Variants in IFT122 observed in about 807,000 individuals in gnomAD.
The protein encoded by IFT122 is intraflagellar transport 122, also known as intraflagellar transport protein 122 homolog.
IFT122 carries 118 observed loss-of-function variants against 161.6 expected under a neutral mutation model. The ratio of observed to expected loss-of-function variants is 0.73; its 90% CI spans 0.63 to 0.85. IFT122 has a LOEUF of 0.85. Ranked by LOEUF, IFT122 falls within the 40% of genes least tolerant of loss-of-function variation. The probability of loss-of-function intolerance (pLI) is 0.00; values close to 1 mark genes in which losing one functional copy is unlikely to be tolerated. For missense variants in IFT122, 1,381 were observed against 1,579.6 expected (o/e 0.87, Z 2.13); for synonymous variants, 550 against 602.4 (o/e 0.91, Z 1.27).
intron 9 of IFT122, among the ~76,000 whole-genome samples, chr3:129,474,764 A>G (rs2077719889): frequency 6.6e-6 from 1 of 152,186 alleles, no homozygotes. Context: ...AAGCTGAGGA[A>G]GCACCATCAA....
Position 129,466,874 on chromosome 3 carries a change from T to G in IFT122, c.564-16T>G, listed in dbSNP as rs2076856742. ...TCTAGGCAATGTAATTTTGAACAAC[T>G]ACTTACTGTCTACAGCCGATGGGAG... is the stretch of plus-strand genomic sequence containing the variant. On this transcript the variant is annotated splice_polypyrimidine_tract_variant and intron_variant, in intron 7 of 29. Coordinates refer to ENST00000348417, the MANE Select transcript of IFT122 (RefSeq NM_052989.3). 6.2e-7 allele frequency: 1 copy of G among 1,612,186 alleles called. No individual in the cohort carries two copies. Among genetic ancestry groups the G allele is most frequent in the African/African-American group, 1.3e-5 (1 of 74,900 alleles).
At chr3:129,517,432 C>T (rs774582089) in intron 26 of IFT122, 37 bp from the exon 27 acceptor site, 12 of 1,610,808 alleles carry the variant, frequency 7.4e-6, no homozygotes, top group South Asian at 1.1e-5. Flanking sequence ...CTTTGCAAGG[C>T]CTCCAGCCCC....
chr3:129,507,075 C>G (rs1284961529), intron 22 of IFT122, among the ~76,000 whole-genome samples: 1 of 152,212 alleles, frequency 6.6e-6, no homozygotes, highest in African/African-American at 2.4e-5. Flanking sequence ...GGCATGGAAG[C>G]TGCAGGTGAC....
chr3:129,505,337 G>A (rs2082081574), intron 21 of IFT122, among the ~76,000 whole-genome samples: 1 of 152,192 alleles, frequency 6.6e-6, no homozygotes, highest in Non-Finnish European at 1.5e-5. Context: ...GCTTCTATAT[G>A]GTAACCGTTG....
intron 27 of IFT122, among the ~76,000 whole-genome samples, chr3:129,517,825 C>T (rs773170442): frequency 1.2e-4 from 19 of 152,216 alleles, no homozygotes; most frequent in Non-Finnish European, 2.4e-4. Context: ...TTGGTCTTCC[C>T]GTGTGGGTCT....
At chr3:129,487,987 A>G (rs2079515791) in intron 15 of IFT122, 1 of 522,576 alleles carries the variant, frequency 1.9e-6, no homozygotes, top group Admixed American at 3.1e-5. Flanking sequence ...GTGACATCCT[A>G]TGGCGAGGCA....
chr3:129,516,307 CAGAG>C (rs147411001), intron 26 of IFT122, among the ~76,000 whole-genome samples: 2 of 119,570 alleles, frequency 1.7e-5, no homozygotes, highest in South Asian at 3.1e-4. Flanking sequence ...CACACACACA[CAGAG>C]ACTGCCCCTG....
intron 18 of IFT122, among the ~76,000 whole-genome samples, chr3:129,498,121 A>G (rs908729650): frequency 6.6e-6 from 1 of 152,220 alleles, no homozygotes; most frequent in African/African-American, 2.4e-5. Flanking sequence ...GCTTCAGGAA[A>G]GCAAAAAGCC....
intron 17 of IFT122, 50 bp downstream of exon 17, chr3:129,492,244 T>C: frequency 7.1e-7 from 1 of 1,404,468 alleles, no homozygotes. Context: ...TTGGGGTTCC[T>C]GTTTTAGGGG....
intron 9 of IFT122, among the ~76,000 whole-genome samples, chr3:129,472,173 G>T (rs1372844378): frequency 6.6e-6 from 1 of 152,084 alleles, no homozygotes; most frequent in Non-Finnish European, 1.5e-5. Context: ...TACTTTTTGA[G>T]AAAAGGCCTC....
chr3:129,490,254 G>GGCTGGATGTTA (rs1354202714), intron 16 of IFT122, among the ~76,000 whole-genome samples: 5 of 152,210 alleles, frequency 3.3e-5, no homozygotes, highest in African/African-American at 4.8e-5. Flanking sequence ...ATTGAAGATA[G>GGCTGGATGTTA]GCTGGATGTT....
chr3:129,469,370 G>T lies in IFT122; in HGVS notation c.769G>T (p.Ala257Ser). 1 of 1,614,000 alleles carries T rather than the reference G, an allele frequency of 6.2e-7. No individual in the cohort carries two copies. Among genetic ancestry groups the T allele is most frequent in the Non-Finnish European group, 8.5e-7 (1 of 1,179,922 alleles). ...LEERNDILAV[A>S]DWGQKVSFYQ... ...GGAACGTAATGACATCCTGGCTGTG[G>T]CTGACTGGGGACAGAAAGTTTCCTT... The change falls in exon 9 of 30, where the codon GCT becomes TCT. Residue 257 changes from alanine (A) to serine (S), a missense_variant. Physicochemically the swap from Ala to Ser is moderately conservative, Grantham distance 99 (BLOSUM62 1). Around this residue, in one of 7 missense-constraint regions of IFT122, gnomAD observed 544 missense variants for 648.0 expected, o/e 0.84. Transcript: ENST00000348417.
chr3:129,517,854 C>G (rs898712795), intron 27 of IFT122, among the ~76,000 whole-genome samples: 10 of 152,214 alleles, frequency 6.6e-5, no homozygotes, highest in African/African-American at 1.2e-4. Context: ...CCCCTGACCC[C>G]TAAAAGGCAC....
intron 26 of IFT122, among the ~76,000 whole-genome samples, chr3:129,517,268 G>GCACA (rs777108020): frequency 0.14 from 15,776 of 116,764 alleles, 921 homozygotes; most frequent in Admixed American, 0.21. Context: ...CATTGCTCCT[G>GCACA]CACACACACA....
chr3:129,481,712 G>C lies in IFT122; in HGVS notation c.1653+18G>C, dbSNP rs547305629. 3 of 1,612,892 alleles carry C rather than the reference G, an allele frequency of 1.9e-6. No individual in the cohort carries two copies. The African/African-American group carries it at 4.0e-5, about 22-fold the overall frequency. On this transcript the variant is annotated intron_variant, in intron 14 of 29. Coordinates refer to ENST00000348417, the MANE Select transcript of IFT122 (RefSeq NM_052989.3). ...TTTTTCAGGTGAAGTCCCTGAGGGG[G>C]CCCAGGGACATCATCCTTTGATTAG...
At chr3:129,490,211 G>T (rs1159211685) in intron 16 of IFT122, among the ~76,000 whole-genome samples, 1 of 152,138 alleles carries the variant, frequency 6.6e-6, no homozygotes, top group African/African-American at 2.4e-5. Flanking sequence ...TATCTATTGT[G>T]TACAACATGC....
intron 19 of IFT122, 65 bp from the exon 20 acceptor site, chr3:129,502,646 G>A: frequency 2.5e-6 from 4 of 1,569,470 alleles, no homozygotes; most frequent in South Asian, 1.1e-5. Context: ...CAGAATGAAT[G>A]GACATACGGC....
chr3:129,519,238 C>T, intron 28 of IFT122, 52 bp downstream of exon 28: 2 of 1,487,594 alleles, frequency 1.3e-6, no homozygotes, highest in Non-Finnish European at 1.9e-6. Context: ...CATCCCTTCT[C>T]CTGTGCACAT....
Position 129,519,087 on chromosome 3 carries a change from C to G in IFT122, c.3392-20C>G, listed in dbSNP as rs200747264. 2.5e-6 allele frequency: 4 copies of G among 1,609,220 alleles called. No homozygotes were observed. Among genetic ancestry groups the G allele is most frequent in the Non-Finnish European group, 3.4e-6 (4 of 1,175,554 alleles). ...TCTCCATCTCTGCTTCTGATTCCATCCTTGACCAGATCCCTCCAGGCTCCC... is the reference window on the plus strand; with the variant it reads ...TCTCCATCTCTGCTTCTGATTCCATGCTTGACCAGATCCCTCCAGGCTCCC... On this transcript the variant is annotated intron_variant, in intron 27 of 29. Transcript: ENST00000348417.
Sources: gnomAD v4.1 joint callset for allele counts (sites outside exome capture counted in the v4.1 genomes callset) on GRCh38, gnomAD v4.1.1 for gene constraint, gnomAD v4.1.1 regional missense constraint, MANE v1.5 for transcripts, NCBI Gene and HGNC (gene_info 2026-07-23, HGNC 2026-07-21) for gene names.